Variants in PCDH15 observed in about 807,000 individuals in gnomAD.
PCDH15 encodes protocadherin-15.
In PCDH15, 129 loss-of-function variants were observed where a neutral mutation model predicts 178.5. The ratio of observed to expected loss-of-function variants is 0.72; its 90% CI spans 0.63 to 0.84. The LOEUF (loss-of-function observed/expected upper bound fraction) is 0.84. Ranked by LOEUF, PCDH15 falls within the 40% of genes least tolerant of loss-of-function variation. The probability of loss-of-function intolerance (pLI) is 0.00; values close to 1 mark genes in which losing one functional copy is unlikely to be tolerated. For synonymous variants in PCDH15, 800 were observed against 732.0 expected (o/e 1.09, Z -1.50); for missense variants, 2,230 against 2,099.9 (o/e 1.06, Z -1.21).
At chr10:54,405,371 A>G (rs1397823328) in intron 3 of PCDH15, among the ~76,000 whole-genome samples, 1 of 152,118 alleles carries the variant, frequency 6.6e-6, no homozygotes, top group Non-Finnish European at 1.5e-5. Context: ...GGATGAGATC[A>G]TGTCTTTTGC....
rs554917877 is a variant in PCDH15, at chr10:54,368,322, TA to T, written c.474+797del. Among the ~76,000 whole-genome samples, 117 of 151,380 alleles carry T rather than the reference TA, an allele frequency of 7.7e-4. 1 individual carries two copies. The South Asian group carries it at 0.02, about 26-fold the overall frequency. ...AAGCAGGCATGCAAATTTTTAAGAT[TA>T]AAAAAAAATCTTGAAATGAAAAGAT... On this transcript the variant is annotated intron_variant, in intron 5 of 37. Coordinates refer to ENST00000644397, the MANE Select transcript of PCDH15 (RefSeq NM_001384140.1).
At chr10:54,794,220 C>A (rs1046931567) in intron 1 of PCDH15, among the ~76,000 whole-genome samples, 1 of 150,466 alleles carries the variant, frequency 6.6e-6, no homozygotes, top group Non-Finnish European at 1.5e-5. Flanking sequence ...CATAAACACA[C>A]AGCAATGCTC....
intron 9 of PCDH15, among the ~76,000 whole-genome samples, chr10:54,215,344 G>A (rs2051898472): frequency 2.7e-5 from 2 of 75,354 alleles, no homozygotes; most frequent in South Asian, 5.6e-4. Flanking sequence ...TAAATGAGGG[G>A]GAAAAAAAAC....
chr10:54,396,630 TCTGTGTTAGA>T (rs1951264632), intron 3 of PCDH15, among the ~76,000 whole-genome samples: 1 of 152,160 alleles, frequency 6.6e-6, no homozygotes, highest in Non-Finnish European at 1.5e-5. Flanking sequence ...AAAATCAGTC[TCTGTGTTAGA>T]AGTTGACATG....
intron 2 of PCDH15, among the ~76,000 whole-genome samples, chr10:54,919,280 T>C (rs1343142234): frequency 6.6e-6 from 1 of 152,164 alleles, no homozygotes; most frequent in Non-Finnish European, 1.5e-5. Context: ...CTACAATATA[T>C]GATTTCTGTT....
At chr10:55,135,574 CTTTTTT>C (rs56956557) in intron 2 of PCDH15, among the ~76,000 whole-genome samples, 12 of 68,220 alleles carry the variant, frequency 1.8e-4, no homozygotes, top group South Asian at 6.6e-4. Flanking sequence ...TCTTTTCTTT[CTTTTTT>C]TTTTTTTTTT....
At chr10:55,539,954 G>A (rs1470193237) in intron 2 of PCDH15, among the ~76,000 whole-genome samples, 2 of 151,956 alleles carry the variant, frequency 1.3e-5, no homozygotes, top group African/African-American at 4.8e-5. Flanking sequence ...CTTAAAACAG[G>A]AGACAGAGGC....
At chr10:54,528,017 A>G in intron 2 of PCDH15, 140 bp from the exon 3 acceptor site, 1 of 677,106 alleles carries the variant, frequency 1.5e-6, no homozygotes, top group East Asian at 2.7e-5. Context: ...AATTAATATT[A>G]TTTAAAAACA....
intron 1 of PCDH15, among the ~76,000 whole-genome samples, chr10:55,243,495 T>A (rs1323813494): frequency 6.6e-6 from 1 of 152,198 alleles, no homozygotes; most frequent in East Asian, 1.9e-4. Flanking sequence ...ACAGAGGTTT[T>A]GTTGTTCAAT....
At chr10:54,340,282 G>C (rs577775046) in intron 6 of PCDH15, among the ~76,000 whole-genome samples, 1 of 152,212 alleles carries the variant, frequency 6.6e-6, no homozygotes, top group African/African-American at 2.4e-5. Context: ...ATTGGCTAAT[G>C]AATGTTTCTC....
intron 8 of PCDH15, among the ~76,000 whole-genome samples, chr10:54,298,629 C>T (rs2059945082): frequency 6.6e-6 from 1 of 152,214 alleles, no homozygotes; most frequent in Non-Finnish European, 1.5e-5. Context: ...GTTCTCTGGG[C>T]CAGAAGCCCC....
chr10:54,172,185 C>T lies in PCDH15; in HGVS notation c.1590+11259G>A, dbSNP rs1316161245. 2.0e-5 allele frequency among the ~76,000 whole-genome samples: 3 copies of T among 152,090 alleles called. No homozygotes were observed. The South Asian group carries it at 6.2e-4, about 31-fold the overall frequency. The stretch of plus-strand genomic sequence containing the variant: ...TGCCCTGCCCCACCTTAACTGATGA[C>T]ATTCCACCACAAAAGAAGTGTAAAT... On this transcript the variant is annotated intron_variant, in intron 13 of 37. Transcript: ENST00000644397.
At chr10:55,349,918 T>C (rs1185396845) in intron 2 of PCDH15, among the ~76,000 whole-genome samples, 1 of 151,712 alleles carries the variant, frequency 6.6e-6, no homozygotes, top group Non-Finnish European at 1.5e-5. Flanking sequence ...TATATTGTTA[T>C]CAGCTTTTTT....
chr10:54,211,476 G>A (rs1026697505), intron 10 of PCDH15, among the ~76,000 whole-genome samples: 4 of 151,882 alleles, frequency 2.6e-5, no homozygotes, highest in Non-Finnish European at 5.9e-5. Flanking sequence ...ATTCCATTTT[G>A]TCTTCCAAGT....
At chr10:54,110,353 G>A (rs568605987) in intron 15 of PCDH15, among the ~76,000 whole-genome samples, 8 of 151,942 alleles carry the variant, frequency 5.3e-5, no homozygotes, top group African/African-American at 1.7e-4. Flanking sequence ...AATGGTATGG[G>A]ATCAGATTGG....
chr10:54,693,995 T>C (rs2095176266), intron 1 of PCDH15, among the ~76,000 whole-genome samples: 1 of 152,126 alleles, frequency 6.6e-6, no homozygotes, highest in African/African-American at 2.4e-5. Context: ...AGCACAGGAT[T>C]TTCCACTGTG....
intron 2 of PCDH15, among the ~76,000 whole-genome samples, chr10:55,074,571 T>C (rs1016156697): frequency 2.0e-5 from 3 of 152,036 alleles, no homozygotes; most frequent in African/African-American, 7.2e-5. Context: ...TTTATGGGGG[T>C]TTTTTTGTAA....
At chr10:54,325,473 G>T (rs1165056822) in intron 7 of PCDH15, among the ~76,000 whole-genome samples, 2 of 152,036 alleles carry the variant, frequency 1.3e-5, no homozygotes, top group Admixed American at 6.6e-5. Context: ...CCACTGCCAG[G>T]TGCAGTGGCT....
chr10:54,146,950 G>GTA (rs36195637), intron 14 of PCDH15, among the ~76,000 whole-genome samples: 10 of 78,472 alleles, frequency 1.3e-4, no homozygotes, highest in Admixed American at 9.0e-4. Flanking sequence ...TATATATAGT[G>GTA]TATATATATA....
Sources: gnomAD v4.1 joint callset for allele counts (sites outside exome capture counted in the v4.1 genomes callset) on GRCh38, gnomAD v4.1.1 for gene constraint, MANE v1.5 for transcripts, NCBI Gene and HGNC (gene_info 2026-07-23, HGNC 2026-07-21) for gene names.